Variants in LDLRAD3 observed in about 807,000 individuals in gnomAD.
The protein encoded by LDLRAD3 is low-density lipoprotein receptor class A domain-containing protein 3.
Under a neutral mutation model 29.4 loss-of-function variants are expected in LDLRAD3, and 20 were observed. The ratio of observed to expected loss-of-function variants is 0.68; its 90% CI spans 0.48 to 0.99. The LOEUF is 0.99. Ranked by LOEUF, LDLRAD3 falls within the 50% of genes least tolerant of loss-of-function variation. The probability of loss-of-function intolerance (pLI) is 0.00; values close to 1 mark genes in which losing one functional copy is unlikely to be tolerated. For synonymous variants in LDLRAD3, 157 were observed against 192.7 expected, an observed-to-expected ratio of 0.81 and a Z score of 1.53; for missense variants, 420 against 454.3, an observed-to-expected ratio of 0.92 and a Z score of 0.69.
At chr11:36,214,497 T>A (rs1405734773) in intron 4 of LDLRAD3, among the ~76,000 whole-genome samples, 1 of 152,230 alleles carries the variant, frequency 6.6e-6, no homozygotes, top group African/African-American at 2.4e-5. Context: ...AGACTGTTTT[T>A]GTACAGTGAA....
chr11:36,181,681 G>A (rs1471275806), intron 4 of LDLRAD3, among the ~76,000 whole-genome samples: 1 of 152,118 alleles, frequency 6.6e-6, no homozygotes, highest in Non-Finnish European at 1.5e-5. Context: ...ATTAAATGTG[G>A]CCTCTTTGAA....
chr11:35,989,418 T>C (rs1348318195), intron 1 of LDLRAD3, among the ~76,000 whole-genome samples: 1 of 152,178 alleles, frequency 6.6e-6, no homozygotes, highest in Non-Finnish European at 1.5e-5. Flanking sequence ...GAAATGACAT[T>C]GGTAGTTTGA....
chr11:36,144,862 A>G (rs1216209950), intron 4 of LDLRAD3, among the ~76,000 whole-genome samples: 1 of 96,376 alleles, frequency 1.0e-5, no homozygotes. Context: ...TGGGGGGGTC[A>G]GCCCCCCGCC....
intron 1 of LDLRAD3, among the ~76,000 whole-genome samples, chr11:36,008,982 T>C (rs1336113439): frequency 6.6e-6 from 1 of 152,198 alleles, no homozygotes. Context: ...TAATTGACCA[T>C]TCTCTTACCT....
intron 4 of LDLRAD3, among the ~76,000 whole-genome samples, chr11:36,172,267 C>G (rs113364595): frequency 0.011 from 1,667 of 152,190 alleles, 32 homozygotes; most frequent in African/African-American, 0.038. Context: ...ATGATCATAT[C>G]ATAAGTGAAG....
chr11:36,037,985 C>T (rs1416747090), intron 2 of LDLRAD3, among the ~76,000 whole-genome samples: 1 of 152,198 alleles, frequency 6.6e-6, no homozygotes, highest in Non-Finnish European at 1.5e-5. Context: ...CAGCCTCGAC[C>T]TCCTGGACTC....
At chr11:36,188,325 T>G (rs961332554) in intron 4 of LDLRAD3, among the ~76,000 whole-genome samples, 3 of 142,754 alleles carry the variant, frequency 2.1e-5, no homozygotes, top group African/African-American at 7.7e-5. Flanking sequence ...GAATGGTTTT[T>G]TAAAGGGTAA....
intron 1 of LDLRAD3, among the ~76,000 whole-genome samples, chr11:36,023,592 AT>A (rs567034569): frequency 2.0e-5 from 3 of 152,208 alleles, no homozygotes; most frequent in Non-Finnish European, 2.9e-5. Context: ...GAGGAGCTCT[AT>A]GTCAATCCCA....
At chr11:36,173,778 C>T (rs1226931539) in intron 4 of LDLRAD3, among the ~76,000 whole-genome samples, 1 of 152,078 alleles carries the variant, frequency 6.6e-6, no homozygotes, top group African/African-American at 2.4e-5. Context: ...GTGAAAATGG[C>T]CATACTGCCC....
chr11:36,121,466 C>T (rs1271945122), intron 4 of LDLRAD3, among the ~76,000 whole-genome samples: 2 of 152,152 alleles, frequency 1.3e-5, no homozygotes, highest in African/African-American at 2.4e-5. Context: ...CATGTAAGCA[C>T]GTACACCCAG....
chr11:36,175,470 A>G (rs1190788923), intron 4 of LDLRAD3, among the ~76,000 whole-genome samples: 2 of 152,146 alleles, frequency 1.3e-5, no homozygotes, highest in Non-Finnish European at 1.5e-5. Context: ...TCCTCTTAGC[A>G]CTGCTTTCGT....
intron 1 of LDLRAD3, among the ~76,000 whole-genome samples, chr11:36,032,647 G>C (rs1852249900): frequency 6.6e-6 from 1 of 152,210 alleles, no homozygotes; most frequent in South Asian, 2.1e-4. Context: ...GACGCCAATA[G>C]CACCCCCATC....
chr11:36,105,242 A>T (rs558354584), intron 4 of LDLRAD3, among the ~76,000 whole-genome samples: 4,024 of 137,686 alleles, frequency 0.029, 72 homozygotes, highest in African/African-American at 0.078. Flanking sequence ...TGTGTGTGAG[A>T]GAGAGAGAGA....
intron 1 of LDLRAD3, among the ~76,000 whole-genome samples, chr11:35,957,132 CACATA>C (rs766334706): frequency 2.0e-5 from 3 of 152,214 alleles, no homozygotes; most frequent in Non-Finnish European, 4.4e-5. Flanking sequence ...AAGGTAGAAA[CACATA>C]ACATACAGTC....
Position 36,036,124 on chromosome 11 carries a change from A to T in LDLRAD3, c.68A>T (p.Asn23Ile). 6.2e-7 allele frequency: 1 copy of T among 1,613,952 alleles called. No homozygotes were observed. Among genetic ancestry groups the T allele is most frequent in the Non-Finnish European group, 8.5e-7 (1 of 1,179,896 alleles). ...SAAESQLLPG[N>I]NFTNECNIPG... ...ACAGAGAGCCAGCTGCTCCCCGGGAACAACTTCACCAATGAGTGCAACATA... is the reference window on the plus strand; with the variant it reads ...ACAGAGAGCCAGCTGCTCCCCGGGATCAACTTCACCAATGAGTGCAACATA... The change falls in exon 2 of 6, where the codon AAC becomes ATC. Residue 23 changes from asparagine (N) to isoleucine (I), a missense_variant. This residue lies in a region of LDLRAD3 where 224 missense variants were observed against 222.2 expected (regional missense o/e 1.01). Coordinates refer to ENST00000315571, the MANE Select transcript of LDLRAD3 (RefSeq NM_174902.4).
chr11:36,056,523 C>G (rs544109564), intron 2 of LDLRAD3, among the ~76,000 whole-genome samples: 8 of 152,302 alleles, frequency 5.3e-5, no homozygotes, highest in Non-Finnish European at 1.0e-4. Flanking sequence ...CTGAACCACT[C>G]TGCTGTGCTG....
intron 1 of LDLRAD3, among the ~76,000 whole-genome samples, chr11:35,966,047 G>A (rs1851337188): frequency 6.6e-6 from 1 of 152,160 alleles, no homozygotes; most frequent in South Asian, 2.1e-4. Context: ...GTTCTCTAAC[G>A]TAAATTTTTC....
chr11:36,106,906 A>G (rs551511571), intron 4 of LDLRAD3, among the ~76,000 whole-genome samples: 9 of 152,302 alleles, frequency 5.9e-5, no homozygotes, highest in South Asian at 2.1e-4. Flanking sequence ...GGCAGTCAGC[A>G]TGAGACCAGC....
chr11:36,035,391 G>A lies in LDLRAD3; in HGVS notation c.47-712G>A, dbSNP rs188128566. On this transcript the variant is annotated intron_variant, in intron 1 of 5. Coordinates refer to ENST00000315571, the MANE Select transcript of LDLRAD3 (RefSeq NM_174902.4). ...TTCTCTCTTTGCTTTCTAGCCTGAG[G>A]GTTGGCTGTTCGGGTTGGGGGCTTT... Among the ~76,000 whole-genome samples, 357 of 152,206 alleles carry A rather than the reference G, an allele frequency of 2.3e-3. 1 individual carries two copies. Among genetic ancestry groups the A allele is most frequent in the African/African-American group, 8.3e-3 (343 of 41,514 alleles).
Sources: allele counts gnomAD v4.1 joint callset (sites outside exome capture counted in the v4.1 genomes callset), GRCh38; gene constraint gnomAD v4.1.1; regional missense constraint gnomAD v4.1.1; transcripts MANE v1.5; gene names NCBI Gene and HGNC (gene_info 2026-07-23, HGNC 2026-07-21).